The following TNRC6B variants were observed in gnomAD, a reference collection of about 807,000 sequenced individuals.
TNRC6B encodes trinucleotide repeat-containing gene 6B protein.
A neutral mutation model predicts 203.6 loss-of-function variants in TNRC6B; 52 were observed. The observed-to-expected ratio is 0.26, with a 90% CI of 0.20 to 0.32. TNRC6B has a LOEUF of 0.32. Ranked by LOEUF, TNRC6B falls within the 10% of genes least tolerant of loss-of-function variation. The pLI, the probability that TNRC6B is intolerant of heterozygous loss-of-function variation, is 1.00. For synonymous variants in TNRC6B, 838 were observed against 845.7 expected, an observed-to-expected ratio of 0.99 and a Z score of 0.16; for missense variants, 1,923 against 2,286.2, an observed-to-expected ratio of 0.84 and a Z score of 3.24.
In TNRC6B at chr22:40,324,779, T is replaced by G. The variant is rs2071382324; in HGVS notation, c.*1538T>G. On this transcript the variant is annotated 3_prime_UTR_variant, in exon 23 of 23. Coordinates refer to ENST00000454349, the MANE Select transcript of TNRC6B (RefSeq NM_001162501.2). ...TAGGCAGGTATAACTTAGCGAAGAC[T>G]TTTAAGTATTGCACCTTTTTTTGAT... 2.0e-5 allele frequency: 3 copies of G among 152,680 alleles called. No homozygotes were observed. The highest frequency in any genetic ancestry group is 2.9e-5 in the Non-Finnish European group (2 of 68,050). The allele number at this position is 152,680 out of a possible 1,614,324, so 9.5% of individuals were successfully genotyped here.
chr22:40,154,512 A>T (rs926381942), intron 3 of TNRC6B, among the ~76,000 whole-genome samples: 2 of 150,340 alleles, frequency 1.3e-5, no homozygotes, highest in Non-Finnish European at 3.0e-5. Context: ...GTATATACGT[A>T]TGTATGCCTA....
At chr22:40,275,577 TC>T (rs1211930107) in intron 7 of TNRC6B, among the ~76,000 whole-genome samples, 1 of 152,166 alleles carries the variant, frequency 6.6e-6, no homozygotes, top group Non-Finnish European at 1.5e-5. Flanking sequence ...TCCGCAGAAC[TC>T]TTTCTATCTT....
chr22:40,145,242 T>C (rs1322885631), intron 3 of TNRC6B, among the ~76,000 whole-genome samples: 3 of 151,976 alleles, frequency 2.0e-5, no homozygotes, highest in Non-Finnish European at 2.9e-5. Context: ...TGAGACCCTG[T>C]CTCAAAAGTA....
At chr22:40,307,412 C>G (rs1017967887) in intron 15 of TNRC6B, among the ~76,000 whole-genome samples, 24 of 152,204 alleles carry the variant, frequency 1.6e-4, no homozygotes, top group African/African-American at 5.5e-4. Context: ...CTCTGCGCTC[C>G]CTGTGGCTCA....
At chr22:40,226,136 T>C (rs140620752) in intron 1 of TNRC6B, among the ~76,000 whole-genome samples, 77 of 152,366 alleles carry the variant, frequency 5.1e-4, no homozygotes, top group Non-Finnish European at 1.0e-3. Flanking sequence ...TTCAGAAATA[T>C]ACATTTTCGT....
intron 1 of TNRC6B, among the ~76,000 whole-genome samples, chr22:40,059,281 A>G (rs903098377): frequency 2.0e-5 from 3 of 152,110 alleles, no homozygotes; most frequent in Admixed American, 1.3e-4. Flanking sequence ...CTTCATTTGG[A>G]TATAGTTTGT....
chr22:40,081,314 T>G (rs2068062280), intron 1 of TNRC6B, among the ~76,000 whole-genome samples: 1 of 147,906 alleles, frequency 6.8e-6, no homozygotes, highest in Admixed American at 6.7e-5. Flanking sequence ...CGTGTTTTTT[T>G]TTTTTTTTTT....
chr22:40,093,733 G>A (rs544315723), intron 1 of TNRC6B, among the ~76,000 whole-genome samples: 1 of 152,336 alleles, frequency 6.6e-6, no homozygotes, highest in South Asian at 2.1e-4. Context: ...GTTGTTAAGA[G>A]CTTAAACTTT....
chr22:40,257,669 T>C (rs990811028), intron 3 of TNRC6B, among the ~76,000 whole-genome samples: 1 of 151,116 alleles, frequency 6.6e-6, no homozygotes, highest in Non-Finnish European at 1.5e-5. Flanking sequence ...AGAGCCGAGA[T>C]CACGCCACTG....
At chr22:40,263,541 G>A (rs561469769) in intron 4 of TNRC6B, among the ~76,000 whole-genome samples, 20 of 152,296 alleles carry the variant, frequency 1.3e-4, no homozygotes, top group Admixed American at 1.1e-3. Context: ...CCTAAATCTC[G>A]AGTTTCGGTT....
chr22:40,130,986 C>T (rs888736100), intron 3 of TNRC6B, among the ~76,000 whole-genome samples: 1 of 150,944 alleles, frequency 6.6e-6, no homozygotes, highest in Non-Finnish European at 1.5e-5. Context: ...ACTGCAAGCT[C>T]CGCCTCCCGG....
At chr22:40,048,156 G>C (rs1222800248) in intron 1 of TNRC6B, among the ~76,000 whole-genome samples, 1 of 152,208 alleles carries the variant, frequency 6.6e-6, no homozygotes, top group East Asian at 1.9e-4. Context: ...TATGCTGGCT[G>C]CTTCCCTTTC....
At chr22:40,102,595 TA>T (rs2068249063) in intron 1 of TNRC6B, among the ~76,000 whole-genome samples, 1 of 152,136 alleles carries the variant, frequency 6.6e-6, no homozygotes, top group Non-Finnish European at 1.5e-5. Flanking sequence ...GTGTATAATT[TA>T]TATACATCAT....
intron 1 of TNRC6B, among the ~76,000 whole-genome samples, chr22:40,243,957 AC>A (rs1411723913): frequency 6.7e-6 from 1 of 149,886 alleles, no homozygotes; most frequent in Non-Finnish European, 1.5e-5. Context: ...ACAACCTAAT[AC>A]CTTTTTTTTT....
intron 2 of TNRC6B, among the ~76,000 whole-genome samples, chr22:40,248,630 GATT>G (rs1274686830): frequency 6.6e-6 from 1 of 152,202 alleles, no homozygotes; most frequent in Non-Finnish European, 1.5e-5. Context: ...GAGTGAATGA[GATT>G]ATTTATGCAG....
intron 3 of TNRC6B, among the ~76,000 whole-genome samples, chr22:40,133,022 A>G (rs980275182): frequency 1.4e-5 from 2 of 144,886 alleles, no homozygotes; most frequent in African/African-American, 2.5e-5. Context: ...AGATATGTAT[A>G]TGCTTCATTG....
chr22:40,173,277 A>G (rs1392273738), upstream of TNRC6B, among the ~76,000 whole-genome samples: 1 of 151,930 alleles, frequency 6.6e-6, no homozygotes, highest in Admixed American at 6.6e-5. Context: ...TTGTATTTGT[A>G]GTAGAGACGG....
chr22:40,140,227 CA>C (rs937759239), intron 3 of TNRC6B, among the ~76,000 whole-genome samples: 8 of 145,798 alleles, frequency 5.5e-5, no homozygotes, highest in South Asian at 2.2e-4. Context: ...ACTTCTGAAA[CA>C]AAAAAAAAAC....
chr22:40,110,441 G>C (rs1470228373), intron 1 of TNRC6B, among the ~76,000 whole-genome samples: 3 of 152,188 alleles, frequency 2.0e-5, no homozygotes, highest in African/African-American at 7.2e-5. Flanking sequence ...TGCTGTTCTT[G>C]TAACCCTCGG....
Sources: allele counts gnomAD v4.1 joint callset (sites outside exome capture counted in the v4.1 genomes callset), GRCh38; gene constraint gnomAD v4.1.1; transcripts MANE v1.5; gene names NCBI Gene and HGNC (gene_info 2026-07-23, HGNC 2026-07-21).